CDC40: variants seen among roughly 807,000 people sequenced by gnomAD.
CDC40 encodes the protein pre-mRNA-processing factor 17.
Under a neutral mutation model 80.6 loss-of-function variants are expected in CDC40, and 27 were observed. The ratio of observed to expected loss-of-function variants is 0.33; its 90% CI spans 0.25 to 0.46. CDC40 has a LOEUF of 0.46. CDC40 is among the 20% of genes least tolerant of loss of function. The probability of loss-of-function intolerance (pLI) is 1.00; values close to 1 mark genes in which losing one functional copy is unlikely to be tolerated. For missense variants in CDC40, 486 were observed against 694.1 expected, an observed-to-expected ratio of 0.70 and a Z score of 3.37; for synonymous variants, 221 against 232.6, an observed-to-expected ratio of 0.95 and a Z score of 0.45.
intron 12 of CDC40, among the ~76,000 whole-genome samples, chr6:110,225,489 C>T (rs1038730709): frequency 6.9e-6 from 1 of 145,434 alleles, no homozygotes; most frequent in African/African-American, 2.5e-5. Context: ...CTTCACCAAA[C>T]ACATTTGAAA....
rs1777857918 is a variant in CDC40, at chr6:110,226,227, G to A, written c.1401G>A (p.Val467=). ...CCAGTATGCACTCAATGCCTGCAGT[G>A]ACTTTGTCTCCAAATGGTGAGTTAG... is the stretch of plus-strand genomic sequence containing the variant. ...AEPSMHSMPA[V]TLSPNGKWLA... is the part of the protein sequence containing the mutation. Residue 467 remains valine, a synonymous_variant, in exon 13 of 15, where the codon GTG becomes GTA. Transcript: ENST00000307731. The A allele has an allele frequency of 6.2e-7, 1 of 1,600,578 alleles. No individual in the cohort carries two copies. The highest frequency in any genetic ancestry group is 8.6e-7 in the Non-Finnish European group (1 of 1,168,658).
intron 1 of CDC40, among the ~76,000 whole-genome samples, chr6:110,188,194 A>G (rs1777299582): frequency 6.6e-6 from 1 of 152,224 alleles, no homozygotes; most frequent in African/African-American, 2.4e-5. Flanking sequence ...AATACCCTTA[A>G]TTGGAAAGAT....
intron 2 of CDC40, 129 bp from the exon 3 acceptor site, chr6:110,201,429 C>A: frequency 8.3e-6 from 5 of 601,228 alleles, no homozygotes; most frequent in South Asian, 4.8e-5. Flanking sequence ...CCGTATCAGG[C>A]TAATGTGTTC....
At chr6:110,221,633 A>T (rs916050787) in intron 12 of CDC40, among the ~76,000 whole-genome samples, 1 of 152,162 alleles carries the variant, frequency 6.6e-6, no homozygotes, top group Non-Finnish European at 1.5e-5. Context: ...ATGCATATAC[A>T]TGTTCTGTTT....
At chr6:110,198,814 C>G (rs1584067547) in intron 2 of CDC40, among the ~76,000 whole-genome samples, 1 of 152,232 alleles carries the variant, frequency 6.6e-6, no homozygotes, top group Non-Finnish European at 1.5e-5. Flanking sequence ...CAAATTTACT[C>G]TTAAACTCAG....
chr6:110,205,677 T>C (rs930857482), intron 3 of CDC40, among the ~76,000 whole-genome samples: 1 of 152,196 alleles, frequency 6.6e-6, no homozygotes, highest in African/African-American at 2.4e-5. Context: ...TGTCTACTCC[T>C]TCACCCTTCC....
At position 110,180,531 on chromosome 6, in the gene CDC40, T is replaced by C. The variant is rs749072808; in HGVS notation, c.87T>C (p.Cys29=). 1.2e-6 allele frequency: 2 copies of C among 1,614,174 alleles called. No homozygotes were observed. Among genetic ancestry groups the C allele is most frequent in the Non-Finnish European group, 1.7e-6 (2 of 1,180,014 alleles). Residue 29 remains cysteine (C), a synonymous_variant, in exon 1 of 15, where the codon TGT becomes TGC. Transcript: ENST00000307731. Reference sequence around the variant, plus strand: ...ACTCGGACAGTGAGAGCAGTCGGTGTCCGCTGCCAGCCGCCGACTCCCTCA... The same window carrying C: ...ACTCGGACAGTGAGAGCAGTCGGTGCCCGCTGCCAGCCGCCGACTCCCTCA... ...ESDSDSESSR[C]PLPAADSLMH... is the part of the protein sequence containing the mutation.
At chr6:110,224,868 C>G (rs903676311) in intron 12 of CDC40, among the ~76,000 whole-genome samples, 3 of 152,218 alleles carry the variant, frequency 2.0e-5, no homozygotes, top group South Asian at 2.1e-4. Context: ...TGAACCTGGA[C>G]TATGCTTAAT....
chr6:110,208,634 GTTTAA>G (rs1562204005), intron 4 of CDC40, among the ~76,000 whole-genome samples: 1 of 152,146 alleles, frequency 6.6e-6, no homozygotes, highest in African/African-American at 2.4e-5. Context: ...CAGTAATTTA[GTTTAA>G]TTTAGTTTTA....
intron 2 of CDC40, among the ~76,000 whole-genome samples, chr6:110,193,828 T>A (rs1287122052): frequency 6.6e-6 from 1 of 152,236 alleles, no homozygotes; most frequent in Non-Finnish European, 1.5e-5. Context: ...CTATGTCTTT[T>A]GAAAAAGGAA....
At chr6:110,220,657 G>C (rs574145244) in intron 12 of CDC40, among the ~76,000 whole-genome samples, 4 of 152,088 alleles carry the variant, frequency 2.6e-5, no homozygotes, top group Admixed American at 2.0e-4. Flanking sequence ...GTGTTAGCCA[G>C]GATGGTCTCG....
chr6:110,199,932 T>TG (rs1458410228), intron 2 of CDC40, among the ~76,000 whole-genome samples: 2 of 152,174 alleles, frequency 1.3e-5, no homozygotes, highest in East Asian at 3.8e-4. Flanking sequence ...TAAATCATTT[T>TG]GTTATCTGTA....
In CDC40 at chr6:110,220,606, G is replaced by A. The variant is rs546844531; in HGVS notation, c.1340+737G>A. Among the ~76,000 whole-genome samples the A allele has an allele frequency of 1.5e-4, 23 of 151,950 alleles. No individual in the cohort carries two copies. In the East Asian group the frequency reaches 2.1e-3, roughly 14 times the overall value. ...ACTACAGGCGCCCGCCACCACGCCC[G>A]GCTAATTTTTTGTATTTTTTAGTAG... On this transcript the variant is annotated intron_variant, in intron 12 of 14. Coordinates refer to ENST00000307731, the MANE Select transcript of CDC40 (RefSeq NM_015891.3).
Position 110,230,020 on chromosome 6 carries a change from C to T in CDC40, c.1629C>T (p.Tyr543=), listed in dbSNP as rs1254060645. The T allele has an allele frequency of 6.2e-7, 1 of 1,612,242 alleles. No homozygotes were observed. Among genetic ancestry groups the T allele is most frequent in the Non-Finnish European group, 8.5e-7 (1 of 1,178,502 alleles). ...NIWDWKTTKL[Y]SRFKAHDKVC... ...GGGACTGGAAGACCACAAAACTCTA[C>T]AGTCGATTTAAAGCTCATGATAAAG... The change falls in exon 15 of 15, where the codon TAC becomes TAT. Residue 543 remains tyrosine, a synonymous_variant. Coordinates refer to ENST00000307731, the MANE Select transcript of CDC40 (RefSeq NM_015891.3).
At chr6:110,185,353 C>T (rs1777253420) in intron 1 of CDC40, among the ~76,000 whole-genome samples, 1 of 149,518 alleles carries the variant, frequency 6.7e-6, no homozygotes, top group Admixed American at 6.6e-5. Flanking sequence ...CGCCATTCTC[C>T]TGCCTCAGCC....
At chr6:110,189,238 T>C (rs945158703) in intron 1 of CDC40, among the ~76,000 whole-genome samples, 29 of 152,198 alleles carry the variant, frequency 1.9e-4, no homozygotes, top group Non-Finnish European at 4.0e-4. Flanking sequence ...TGTTGTTAAA[T>C]TCTTTTTTTT....
At chr6:110,218,032 G>A (rs1777722730) in intron 10 of CDC40, among the ~76,000 whole-genome samples, 1 of 152,176 alleles carries the variant, frequency 6.6e-6, no homozygotes. Flanking sequence ...CAAACGTACT[G>A]ACAAATAAGC....
chr6:110,209,061 T>A (rs563418240), intron 4 of CDC40, 23 bp from the exon 5 acceptor site: 75 of 1,366,572 alleles, frequency 5.5e-5, no homozygotes, highest in South Asian at 4.1e-4. Flanking sequence ...GTTTTTTTTT[T>A]AATTTTTTTT....
At chr6:110,191,916 G>C (rs1481403979) in intron 1 of CDC40, among the ~76,000 whole-genome samples, 1 of 152,142 alleles carries the variant, frequency 6.6e-6, no homozygotes, top group African/African-American at 2.4e-5. Context: ...TTTTAAAATA[G>C]AACATGAGTG....
Sources: allele counts gnomAD v4.1 joint callset (sites outside exome capture counted in the v4.1 genomes callset), GRCh38; gene constraint gnomAD v4.1.1; transcripts MANE v1.5; gene names NCBI Gene and HGNC (gene_info 2026-07-23, HGNC 2026-07-21).